OVGP1: variants seen among roughly 807,000 people sequenced by gnomAD.
OVGP1 encodes the protein oviductal glycoprotein 1.
OVGP1 carries 26 observed loss-of-function variants against 48.2 expected under a neutral mutation model. That is an observed-to-expected ratio of 0.54 (90% CI 0.40 to 0.75). The LOEUF is 0.75. OVGP1 is among the 30% of genes least tolerant of loss of function. The pLI, the probability that OVGP1 is intolerant of heterozygous loss-of-function variation, is 0.00. For synonymous variants in OVGP1, 294 were observed against 305.7 expected (o/e 0.96, Z 0.40); for missense variants, 791 against 820.6 (o/e 0.96, Z 0.44).
chr1:111,419,925 T>G (rs1652222182), intron 8 of OVGP1, among the ~76,000 whole-genome samples, 199 bp from the exon 9 acceptor site: 1 of 152,188 alleles, frequency 6.6e-6, no homozygotes, highest in African/African-American at 2.4e-5. Flanking sequence ...TGTTACCCTT[T>G]CCTCTCTCTA....
chr1:111,427,159 A>T, intron 1 of OVGP1, 68 bp from the exon 2 acceptor site: 2 of 1,610,280 alleles, frequency 1.2e-6, no homozygotes, highest in Non-Finnish European at 1.7e-6. Flanking sequence ...GGCACAGCAC[A>T]CCCTCTGATT....
intron 9 of OVGP1, among the ~76,000 whole-genome samples, chr1:111,417,256 C>T (rs891728017): frequency 2.6e-5 from 4 of 152,138 alleles, no homozygotes; most frequent in Middle Eastern, 3.2e-3. Flanking sequence ...CTTATCTCAC[C>T]GTGATGCTAT....
Position 111,423,689 on chromosome 1 carries a change from T to A in OVGP1, c.337A>T (p.Thr113Ser). 1 of 1,614,094 alleles carries A rather than the reference T, an allele frequency of 6.2e-7. No homozygotes were observed. The highest frequency in any genetic ancestry group is 1.1e-5 in the South Asian group (1 of 91,080). Residue 113 changes from threonine (T) to serine (S), a missense_variant, in exon 5 of 11, where the codon ACA (threonine) becomes TCA (serine). Transcript: ENST00000369732. ...ATAAACTTTTCACGGTTGGCAAATG[T>A]GGACAACATAGTGGTGAATCTGTAG... Reference protein sequence around the residue: ...GTSRFTTMLSTFANREKFIAS... With the variant: ...GTSRFTTMLSSFANREKFIAS...
At chr1:111,417,985 A>G (rs1005655803) in intron 9 of OVGP1, among the ~76,000 whole-genome samples, 2 of 152,202 alleles carry the variant, frequency 1.3e-5, no homozygotes, top group African/African-American at 4.8e-5. Flanking sequence ...AGGTAAACAA[A>G]TGGCTCTGGG....
At chr1:111,427,214 C>T (rs1652420905) in intron 1 of OVGP1, 123 bp from the exon 2 acceptor site, 1 of 1,546,912 alleles carries the variant, frequency 6.5e-7, no homozygotes, top group Admixed American at 2.0e-5. Context: ...GATGCAGACA[C>T]ACAAATGGGG....
At position 111,414,616 on chromosome 1, in the gene OVGP1, G is replaced by C; in HGVS notation, c.1885C>G (p.Gln629Glu). Reference protein sequence around the residue: ...RMMLSSSPVIQLPEQTPLAFD... With the variant: ...RMMLSSSPVIELPEQTPLAFD... ...GCTAGAGGAGTTTGTTCCGGGAGCT[G>C]GATGACGGGGCTGGAGGACAGCATC... The change falls in exon 11 of 11, where the codon CAG (glutamine) becomes GAG (glutamate). Residue 629 changes from glutamine to glutamate, a missense_variant. Gln to Glu is a conservative substitution (Grantham distance 29, BLOSUM62 2). Transcript: ENST00000369732. 1.2e-6 allele frequency: 2 copies of C among 1,614,228 alleles called. No homozygotes were observed. Among genetic ancestry groups the C allele is most frequent in the Non-Finnish European group, 1.7e-6 (2 of 1,180,052 alleles).
Position 111,415,288 on chromosome 1 carries a change from T to C in OVGP1, c.1213A>G (p.Ser405Gly). ...ACAGCCAGCCTTTCAGGGTCAGTGCTTGAAGAATTCACAGCAGATGACAGC... is the reference window on the plus strand; with the variant it reads ...ACAGCCAGCCTTTCAGGGTCAGTGCCTGAAGAATTCACAGCAGATGACAGC... Reference protein sequence around the residue: ...FWLSSAVNSSSTDPERLAVTT... With the variant: ...FWLSSAVNSSGTDPERLAVTT... The change falls in exon 11 of 11, where the codon AGC becomes GGC. Residue 405 changes from serine to glycine, a missense_variant. Physicochemically the swap from Ser to Gly is moderately conservative, Grantham distance 56. Transcript: ENST00000369732. The C allele has an allele frequency of 6.2e-7, 1 of 1,614,066 alleles. No individual in the cohort carries two copies. The highest frequency in any genetic ancestry group is 1.1e-5 in the South Asian group (1 of 91,078).
intron 9 of OVGP1, 107 bp downstream of exon 9, chr1:111,419,503 C>T (rs1242688051): frequency 9.7e-6 from 7 of 725,004 alleles, no homozygotes; most frequent in Non-Finnish European, 1.7e-5. Context: ...TAATCATCCT[C>T]ACCTTTCACT....
Position 111,426,641 on chromosome 1 carries a change from C to A in OVGP1, c.56G>T (p.Gly19Val). 1.9e-6 allele frequency: 3 copies of A among 1,613,388 alleles called. No homozygotes were observed. Among genetic ancestry groups the A allele is most frequent in the Non-Finnish European group, 2.5e-6 (3 of 1,179,670 alleles). ...ATAACACACGAGTTTATGGGCAGCA[C>A]CTGGTAAGGGAGAGCACACATTAGT... is the stretch of plus-strand genomic sequence containing the variant. ...GLVLVLKHHD[G>V]AAHKLVCYFT... Residue 19 changes from glycine to valine, a missense_variant and splice_region_variant, in exon 3 of 11, where the codon GGT (glycine) becomes GTT (valine). By Grantham distance (109) the Gly-to-Val change is moderately radical. Coordinates refer to ENST00000369732, the MANE Select transcript of OVGP1 (RefSeq NM_002557.4).
intron 9 of OVGP1, among the ~76,000 whole-genome samples, chr1:111,416,886 C>T (rs758523296): frequency 2.5e-4 from 38 of 151,932 alleles, no homozygotes; most frequent in African/African-American, 9.2e-4. Context: ...TGCCAGGGGA[C>T]GTGGGAAGGA....
In OVGP1 at chr1:111,426,604, C is replaced by T. The variant is rs1652404235; in HGVS notation, c.93G>A (p.Trp31Ter). 2 of 1,613,872 alleles carry T rather than the reference C, an allele frequency of 1.2e-6. No individual in the cohort carries two copies. The highest frequency in any genetic ancestry group is 1.7e-6 in the Non-Finnish European group (2 of 1,179,980). ...AGGCAGGGCCTGGCCGACTGTGTGC[C>T]CAGTTGGTGAAATAACACACGAGTT... is the stretch of plus-strand genomic sequence containing the variant. ...AHKLVCYFTN[W>*]AHSRPGPASI... Residue 31 changes from tryptophan to a stop codon, truncating the protein, a stop_gained, in exon 3 of 11, where the codon TGG (tryptophan) becomes TGA (stop). Coordinates refer to ENST00000369732, the MANE Select transcript of OVGP1 (RefSeq NM_002557.4). LOFTEE classifies it high-confidence loss of function.
intron 9 of OVGP1, among the ~76,000 whole-genome samples, chr1:111,418,992 G>A (rs1363777959): frequency 6.6e-6 from 1 of 152,070 alleles, no homozygotes; most frequent in African/African-American, 2.4e-5. Flanking sequence ...TCATAGTTTG[G>A]CTCTAAAAGT....
At position 111,421,078 on chromosome 1, in the gene OVGP1, G is replaced by A. The variant is rs77924094; in HGVS notation, c.903+198C>T. Among the ~76,000 whole-genome samples the A allele has an allele frequency of 8.1e-3, 1,238 of 152,162 alleles. 10 individuals are homozygous for A. The highest frequency in any genetic ancestry group is 0.029 in the African/African-American group (1,184 of 41,494). ...CCATCCAGATTCCACCAAGTCCTTC[G>A]TCCCTTACAAAGGACTCAAATAACT... On this transcript the variant is annotated intron_variant, in intron 8 of 10. Transcript: ENST00000369732.
At position 111,423,443 on chromosome 1, in the gene OVGP1, T is replaced by C. The variant is rs553199310; in HGVS notation, c.483+100A>G. On this transcript the variant is annotated intron_variant, in intron 5 of 10. Transcript: ENST00000369732. ...GTAAAAGAACATTCTGTCACCCTCT[T>C]CTGCCCCTGGCCCTGGACTTATGCT... 19 of 1,267,978 alleles carry C rather than the reference T, an allele frequency of 1.5e-5. No homozygotes were observed. The East Asian group carries it at 4.4e-4, about 30-fold the overall frequency. 78.5% of individuals were successfully genotyped at this position (1,267,978 alleles called of 1,614,324 possible). A position where few individuals can be genotyped will look rare whatever the true frequency, so the allele number is the denominator to read the frequency against.
chr1:111,422,826 A>T, intron 6 of OVGP1, 101 bp downstream of exon 6: 3 of 1,409,382 alleles, frequency 2.1e-6, no homozygotes, highest in Non-Finnish European at 3.0e-6. Flanking sequence ...GGGCAGGCAC[A>T]CGGTGAGCTC....
Position 111,415,362 on chromosome 1 carries a change from A to C in OVGP1, c.1157-18T>G. The stretch of plus-strand genomic sequence containing the variant: ...ACTGAACTCTAGAGAAAATCAACAG[A>C]AAAGAATGAGATTCCTACCACTTCA... On this transcript the variant is annotated intron_variant, in intron 10 of 10. Transcript: ENST00000369732. The C allele has an allele frequency of 1.3e-6, 2 of 1,592,198 alleles. No homozygotes were observed. Among genetic ancestry groups the C allele is most frequent in the Non-Finnish European group, 1.7e-6 (2 of 1,166,992 alleles).
At chr1:111,426,237 T>C (rs1380964008) in intron 3 of OVGP1, among the ~76,000 whole-genome samples, 200 bp downstream of exon 3, 2 of 152,126 alleles carry the variant, frequency 1.3e-5, no homozygotes, top group East Asian at 3.9e-4. Context: ...CAACAGCAAC[T>C]ACAAAAGTAA....
intron 6 of OVGP1, among the ~76,000 whole-genome samples, chr1:111,422,022 G>T (rs1372194425): frequency 6.6e-6 from 1 of 152,194 alleles, no homozygotes; most frequent in Non-Finnish European, 1.5e-5. Context: ...TACAATTCCA[G>T]GAGCCATTGA....
At chr1:111,418,630 G>A (rs1168909552) in intron 9 of OVGP1, among the ~76,000 whole-genome samples, 1 of 152,092 alleles carries the variant, frequency 6.6e-6, no homozygotes, top group African/African-American at 2.4e-5. Context: ...GCCACATTCC[G>A]ACAATTTCTC....
Sources: gnomAD v4.1 joint callset for allele counts (sites outside exome capture counted in the v4.1 genomes callset) on GRCh38, gnomAD v4.1.1 for gene constraint, MANE v1.5 for transcripts, NCBI Gene and HGNC (gene_info 2026-07-23, HGNC 2026-07-21) for gene names.